AGO4: variants seen among roughly 807,000 people sequenced by gnomAD.
AGO4 encodes argonaute RISC component 4.
Under a neutral mutation model 104.7 loss-of-function variants are expected in AGO4, and 33 were observed. The ratio of observed to expected loss-of-function variants is 0.32; its 90% CI spans 0.24 to 0.42. The LOEUF (loss-of-function observed/expected upper bound fraction) is 0.42, where lower values mean the gene tolerates loss of function less well. Ranked by LOEUF, AGO4 falls within the 10% of genes least tolerant of loss-of-function variation. The pLI is 1.00. For synonymous variants in AGO4, 331 were observed against 364.7 expected (o/e 0.91, Z 1.05); for missense variants, 711 against 1,083.4 (o/e 0.66, Z 4.83).
At position 35,822,865 on chromosome 1, in the gene AGO4, G is replaced by A; in HGVS notation, c.189G>A (p.Glu63=). Residue 63 remains glutamate (E), a synonymous_variant, in exon 3 of 18, where the codon GAG becomes GAA. Coordinates refer to ENST00000373210, the MANE Select transcript of AGO4 (RefSeq NM_017629.4). ...PEKRPRRVNR[E]VVDTMVRHFK... ...CATTATCTCCATTACTGTGAAGGGA[G>A]GTAGTAGATACAATGGTGCGGCACT... The A allele has an allele frequency of 6.2e-7, 1 of 1,614,014 alleles. No homozygotes were observed.
chr1:35,848,655 G>C (rs919017185), intron 15 of AGO4, among the ~76,000 whole-genome samples: 1 of 150,572 alleles, frequency 6.6e-6, no homozygotes. Context: ...TTTTTTTAAG[G>C]GTAAAATAAA....
intron 1 of AGO4, among the ~76,000 whole-genome samples, chr1:35,814,282 A>G (rs189933245): frequency 7.6e-4 from 115 of 152,226 alleles, no homozygotes; most frequent in African/African-American, 2.6e-3. Flanking sequence ...TTAGATATTG[A>G]GAAGATTAAT....
chr1:35,853,830 A>T lies in AGO4; in HGVS notation c.*225A>T. 2.6e-6 allele frequency: 1 copy of T among 381,526 alleles called. No individual in the cohort carries two copies. The highest frequency in any genetic ancestry group is 4.8e-6 in the Non-Finnish European group (1 of 209,532). 23.6% of individuals were successfully genotyped at this position (381,526 alleles called of 1,614,324 possible). ...ACTAATAGATTATCTTTTCTGATGCACTGGACTGAATTTTTACCTCAATGT... is the reference window on the plus strand; with the variant it reads ...ACTAATAGATTATCTTTTCTGATGCTCTGGACTGAATTTTTACCTCAATGT... On this transcript the variant is annotated 3_prime_UTR_variant, in exon 18 of 18. Transcript: ENST00000373210.
At chr1:35,848,544 G>A (rs1644628363) in intron 15 of AGO4, among the ~76,000 whole-genome samples, 1 of 152,026 alleles carries the variant, frequency 6.6e-6, no homozygotes, top group Non-Finnish European at 1.5e-5. Context: ...CAGTCATATG[G>A]GTGCTCAAGC....
In AGO4 at chr1:35,841,502, C is replaced by T. The variant is rs748556746; in HGVS notation, c.2040+22C>T. On this transcript the variant is annotated intron_variant, in intron 14 of 17. Transcript: ENST00000373210. The surrounding 1 kb of genome is among the most constrained non-coding windows in gnomAD (Gnocchi z 4.7). ...ACAGGTACTCTCATTATCCCTGTTG[C>T]CCTTCGGGGCCCCTAGGAGTCTGAG... The T allele has an allele frequency of 6.2e-7, 1 of 1,608,888 alleles. No homozygotes were observed. The highest frequency in any genetic ancestry group is 8.5e-7 in the Non-Finnish European group (1 of 1,176,144).
chr1:35,837,470 C>T (rs981399094), intron 13 of AGO4, among the ~76,000 whole-genome samples: 2 of 151,984 alleles, frequency 1.3e-5, no homozygotes, highest in Admixed American at 6.6e-5. Flanking sequence ...ACCCAAACTC[C>T]TGGCCTTCAA....
Position 35,857,717 on chromosome 1 carries a change from C to G in AGO4, c.*4112C>G, listed in dbSNP as rs980054001. 1 of 152,148 alleles carries G rather than the reference C, an allele frequency of 6.6e-6. No individual in the cohort carries two copies. Among genetic ancestry groups the G allele is most frequent in the Non-Finnish European group, 1.5e-5 (1 of 68,024 alleles). The allele number at this position is 152,148 out of a possible 1,614,324, so 9.4% of individuals were successfully genotyped here. On this transcript the variant is annotated 3_prime_UTR_variant, in exon 18 of 18. Transcript: ENST00000373210. ...ATAAGTATGCAGTACACTGTAATGG[C>G]AACATACATGGTTGCTTTATAAAAA...
rs1358646617 is a variant in AGO4, at chr1:35,822,906, T to C, written c.230T>C (p.Phe77Ser). Reference sequence around the variant, plus strand: ...GTGCGGCACTTCAAGATGCAAATATTTGGTGATCGGCAGCCTGGGTATGAT... The same window carrying C: ...GTGCGGCACTTCAAGATGCAAATATCTGGTGATCGGCAGCCTGGGTATGAT... ...TMVRHFKMQI[F>S]GDRQPGYDGK... is the part of the protein sequence containing the mutation. The change falls in exon 3 of 18, where the codon TTT (phenylalanine) becomes TCT (serine). Residue 77 changes from phenylalanine to serine, a missense_variant. Physicochemically the swap from Phe to Ser is radical, Grantham distance 155. This residue lies in a region of AGO4 where 308 missense variants were observed against 397.8 expected (regional missense o/e 0.77). Coordinates refer to ENST00000373210, the MANE Select transcript of AGO4 (RefSeq NM_017629.4). 1.1e-5 allele frequency: 17 copies of C among 1,614,114 alleles called. No homozygotes were observed. Among genetic ancestry groups the C allele is most frequent in the Non-Finnish European group, 1.4e-5 (17 of 1,180,010 alleles).
intron 2 of AGO4, among the ~76,000 whole-genome samples, chr1:35,820,503 A>ACG (rs1643869073): frequency 6.6e-6 from 1 of 151,948 alleles, no homozygotes; most frequent in Non-Finnish European, 1.5e-5. Context: ...GATTACAGGC[A>ACG]TGCACCACCA....
rs967082959 is a variant in AGO4 at position 35,855,447 on chromosome 1, A to G, written c.*1842A>G. ...TAAATACATTGAAGTTTACATTTCC[A>G]TGTGCTGTTGATCAACGGCGCCACC... is the stretch of plus-strand genomic sequence containing the variant. On this transcript the variant is annotated 3_prime_UTR_variant, in exon 18 of 18. Transcript: ENST00000373210. The G allele has an allele frequency of 6.6e-6, 1 of 152,530 alleles. No homozygotes were observed. Among genetic ancestry groups the G allele is most frequent in the South Asian group, 2.1e-4 (1 of 4,820 alleles). The allele number at this position is 152,530 out of a possible 1,614,324, so 9.4% of individuals were successfully genotyped here.
At chr1:35,824,810 T>C (rs1373342500) in intron 3 of AGO4, among the ~76,000 whole-genome samples, 1 of 152,128 alleles carries the variant, frequency 6.6e-6, no homozygotes, top group Non-Finnish European at 1.5e-5. Context: ...CAAAAAAAAC[T>C]TATGATGTTA....
chr1:35,831,375 A>G, intron 7 of AGO4, 52 bp from the exon 8 acceptor site: 2 of 1,545,306 alleles, frequency 1.3e-6, no homozygotes, highest in South Asian at 1.2e-5. Flanking sequence ...AAGAAAAAGA[A>G]GAAAAGAAAG....
Position 35,808,561 on chromosome 1 carries a change from C to A in AGO4, c.19+126C>A. 2.3e-6 allele frequency: 2 copies of A among 872,154 alleles called. No homozygotes were observed. Among genetic ancestry groups the A allele is most frequent in the Non-Finnish European group, 2.9e-6 (2 of 698,654 alleles). 54.0% of individuals were successfully genotyped at this position (872,154 alleles called of 1,614,324 possible). On this transcript the variant is annotated intron_variant, in intron 1 of 17. Coordinates refer to ENST00000373210, the MANE Select transcript of AGO4 (RefSeq NM_017629.4). This position sits in a 1 kb window ranked among gnomAD's most constrained non-coding sequence, Gnocchi z 5.2. ...CAGGCCTCGGGGAAGGGGACCCGAG[C>A]CCCGCAGCACGAAGCGGAGGGAGCT... is the stretch of plus-strand genomic sequence containing the variant.
intron 2 of AGO4, among the ~76,000 whole-genome samples, chr1:35,818,664 A>AG (rs1317387254): frequency 0.28 from 26,214 of 95,016 alleles, 3,171 homozygotes; most frequent in Non-Finnish European, 0.4. Flanking sequence ...AAAGAAAGGA[A>AG]GAAAGGAAGG....
Position 35,826,056 on chromosome 1 carries a change from C to G in AGO4, c.756C>G (p.Ile252Met), listed in dbSNP as rs939147119. 1 of 1,613,780 alleles carries G rather than the reference C, an allele frequency of 6.2e-7. No individual in the cohort carries two copies. Among genetic ancestry groups the G allele is most frequent in the Non-Finnish European group, 8.5e-7 (1 of 1,179,986 alleles). Residue 252 changes from isoleucine to methionine, a missense_variant, in exon 6 of 18, where the codon ATC becomes ATG. Ile to Met is a conservative substitution (Grantham distance 10). Coordinates refer to ENST00000373210, the MANE Select transcript of AGO4 (RefSeq NM_017629.4). ...DSQRVKFTKE[I>M]RGLKVEVTHC... ...AGCGTGTCAAATTTACCAAAGAAAT[C>G]AGAGGTAAGTGTTTGCATTAATGTA...
At chr1:35,848,561 TG>T (rs1415324066) in intron 15 of AGO4, among the ~76,000 whole-genome samples, 1 of 152,086 alleles carries the variant, frequency 6.6e-6, no homozygotes, top group African/African-American at 2.4e-5. Context: ...AAGCAATAAC[TG>T]GTGAATTGAA....
intron 3 of AGO4, among the ~76,000 whole-genome samples, chr1:35,823,867 G>C (rs1213907858): frequency 6.6e-6 from 1 of 152,076 alleles, no homozygotes; most frequent in Non-Finnish European, 1.5e-5. Flanking sequence ...ACAGGCATGA[G>C]CCACCACGCC....
intron 8 of AGO4, 53 bp from the exon 9 acceptor site, chr1:35,831,759 G>T: frequency 6.2e-7 from 1 of 1,607,846 alleles, no homozygotes; most frequent in Non-Finnish European, 8.5e-7. Context: ...TTTGGCAAAG[G>T]TTTAAGATGT....
At chr1:35,849,686 C>CAAA (rs58930702) in intron 15 of AGO4, among the ~76,000 whole-genome samples, 18 of 74,040 alleles carry the variant, frequency 2.4e-4, no homozygotes, top group African/African-American at 7.6e-4. Context: ...GACGCTGTCT[C>CAAA]AAAAAAAAAA....
Sources: gnomAD v4.1 joint callset for allele counts (sites outside exome capture counted in the v4.1 genomes callset) on GRCh38, gnomAD v4.1.1 for gene constraint, gnomAD v4.1.1 regional missense constraint, Gnocchi (gnomAD v3.1) non-coding constraint, MANE v1.5 for transcripts, NCBI Gene and HGNC (gene_info 2026-07-23, HGNC 2026-07-21) for gene names.